KRT80: variants seen among roughly 807,000 people sequenced by gnomAD.
The protein encoded by KRT80 is keratin 80.
A neutral mutation model predicts 51.5 loss-of-function variants in KRT80; 36 were observed. That is an observed-to-expected ratio of 0.70 (90% CI 0.54 to 0.92). KRT80 has a LOEUF of 0.92. KRT80 is among the 40% of genes least tolerant of loss of function. The pLI is 0.00. For missense variants in KRT80, 566 were observed against 591.7 expected, an observed-to-expected ratio of 0.96 and a Z score of 0.45; for synonymous variants, 235 against 248.3, an observed-to-expected ratio of 0.95 and a Z score of 0.50.
At chr12:52,173,008 C>T (rs760236795) in intron 6 of KRT80, 30 bp downstream of exon 6, 50 of 1,591,576 alleles carry the variant, frequency 3.1e-5, no homozygotes, top group Non-Finnish European at 3.9e-5. Context: ...CTCTCCTCCC[C>T]GCCCCCAGGC....
intron 7 of KRT80, 62 bp downstream of exon 7, chr12:52,172,136 G>A: frequency 1.3e-6 from 2 of 1,563,932 alleles, no homozygotes; most frequent in Non-Finnish European, 1.8e-6. Flanking sequence ...CTGACTTTGT[G>A]TAGGCCTGGG....
chr12:52,188,510 C>T (rs147891601), intron 1 of KRT80, among the ~76,000 whole-genome samples: 9 of 152,306 alleles, frequency 5.9e-5, no homozygotes, highest in African/African-American at 2.2e-4. Context: ...TGTTCCTTAG[C>T]GGGGGCTGTT....
intron 4 of KRT80, among the ~76,000 whole-genome samples, chr12:52,176,382 G>A (rs527494992): frequency 1.8e-4 from 27 of 152,326 alleles, no homozygotes; most frequent in East Asian, 3.9e-4. Flanking sequence ...TGTTCCCCAC[G>A]TCAGGGTAGA....
At chr12:52,186,029 A>G (rs1941399366) in intron 1 of KRT80, among the ~76,000 whole-genome samples, 2 of 151,882 alleles carry the variant, frequency 1.3e-5, no homozygotes, top group Admixed American at 1.3e-4. Context: ...CCTGGTTAGT[A>G]CTGTCCTTAA....
chr12:52,191,556 C>T, intron 1 of KRT80, 47 bp downstream of exon 1: 1 of 1,518,442 alleles, frequency 6.6e-7, no homozygotes, highest in Non-Finnish European at 8.9e-7. Flanking sequence ...AGCTACCGGC[C>T]CAGGCCTGGC....
intron 4 of KRT80, among the ~76,000 whole-genome samples, chr12:52,174,579 G>C (rs1217104658): frequency 6.6e-6 from 1 of 152,260 alleles, no homozygotes; most frequent in Non-Finnish European, 1.5e-5. Flanking sequence ...GCTGGACTGT[G>C]CGCTGAGCGT....
Position 52,171,237 on chromosome 12 carries a change from T to C in KRT80, c.*161A>G. 2 of 728,882 alleles carry C rather than the reference T, an allele frequency of 2.7e-6. No individual in the cohort carries two copies. Among genetic ancestry groups the C allele is most frequent in the South Asian group, 3.8e-5 (2 of 53,130 alleles). The allele number at this position is 728,882 out of a possible 1,614,324, so 45.2% of individuals were successfully genotyped here. A position where few individuals can be genotyped will look rare whatever the true frequency, so the allele number is the denominator to read the frequency against. Reference sequence around the variant, plus strand: ...AGCTGGTGATGCTCCTCTCCCACCCTGGCAGCCCACAAAACACAGTCAGTT... The same window carrying C: ...AGCTGGTGATGCTCCTCTCCCACCCCGGCAGCCCACAAAACACAGTCAGTT... On this transcript the variant is annotated 3_prime_UTR_variant, in exon 9 of 9. Coordinates refer to ENST00000394815, the MANE Select transcript of KRT80 (RefSeq NM_182507.3).
At chr12:52,190,144 C>T (rs1226479337) in intron 1 of KRT80, among the ~76,000 whole-genome samples, 2 of 152,162 alleles carry the variant, frequency 1.3e-5, no homozygotes, top group Non-Finnish European at 2.9e-5. Flanking sequence ...GTGGTCCTTC[C>T]CCTCTGGGTA....
At chr12:52,175,993 T>C (rs1199314057) in intron 4 of KRT80, among the ~76,000 whole-genome samples, 1 of 152,084 alleles carries the variant, frequency 6.6e-6, no homozygotes, top group Non-Finnish European at 1.5e-5. Context: ...CCCTCCAGTG[T>C]GCTTCTACAG....
At chr12:52,190,921 G>A (rs767022795) in intron 1 of KRT80, among the ~76,000 whole-genome samples, 1 of 152,124 alleles carries the variant, frequency 6.6e-6, no homozygotes, top group Non-Finnish European at 1.5e-5. Context: ...ATGGGTAGTG[G>A]AGTCTAGGAA....
At chr12:52,181,239 A>C (rs1283799111) in intron 2 of KRT80, among the ~76,000 whole-genome samples, 1 of 147,878 alleles carries the variant, frequency 6.8e-6, no homozygotes, top group South Asian at 2.2e-4. Context: ...CTCCACACCC[A>C]CTCCCCTCCA....
Position 52,171,422 on chromosome 12 carries a change from C to T in KRT80, c.1335G>A (p.Ser445=), listed in dbSNP as rs569276446. 2.6e-5 allele frequency: 42 copies of T among 1,605,718 alleles called. No individual in the cohort carries two copies. The highest frequency in any genetic ancestry group is 1.3e-4 in the South Asian group (12 of 89,536). ...CTTACTCTGAGACCTCCGACTCCTG[C>T]GAGAAGTACTTCTCTGACATTTCGG... is the stretch of plus-strand genomic sequence containing the variant. The part of the protein sequence containing the change: ...KITEMSEKYF[S]QESEVSE Residue 445 remains serine (S), a synonymous_variant, in exon 9 of 9, where the codon TCG becomes TCA. Coordinates refer to ENST00000394815, the MANE Select transcript of KRT80 (RefSeq NM_182507.3).
rs1368394564 is a variant in KRT80, at chr12:52,169,048, T to G, written c.*2350A>C. ...TGGCTCACAATTCTGCAGGCTGTAC[T>G]GGCATGGCACCAACATTTGCTCAGC... is the stretch of plus-strand genomic sequence containing the variant. On this transcript the variant is annotated 3_prime_UTR_variant, in exon 9 of 9. Coordinates refer to ENST00000394815, the MANE Select transcript of KRT80 (RefSeq NM_182507.3). 1 of 152,270 alleles carries G rather than the reference T, an allele frequency of 6.6e-6. No homozygotes were observed. The highest frequency in any genetic ancestry group is 6.5e-5 in the Admixed American group (1 of 15,286). 9.4% of individuals were successfully genotyped at this position (152,270 alleles called of 1,614,324 possible).
intron 1 of KRT80, among the ~76,000 whole-genome samples, chr12:52,191,259 C>T (rs751345735): frequency 6.6e-6 from 1 of 152,170 alleles, no homozygotes. Context: ...GCAGAGCATG[C>T]CTCCATCAGC....
At chr12:52,177,804 C>T (rs1448997162) in intron 4 of KRT80, among the ~76,000 whole-genome samples, 4 of 152,064 alleles carry the variant, frequency 2.6e-5, no homozygotes, top group African/African-American at 9.7e-5. Flanking sequence ...CTGGGCCACT[C>T]GTGTTCTGCC....
At position 52,169,010 on chromosome 12, in the gene KRT80, A is replaced by G. The variant is rs2120849959; in HGVS notation, c.*2388T>C. ...CTGAGACTTGGTAATTTATAAAGAA[A>G]AGACATTTATTTTGGCTCACAATTC... On this transcript the variant is annotated 3_prime_UTR_variant, in exon 9 of 9. Transcript: ENST00000394815. 1 of 152,354 alleles carries G rather than the reference A, an allele frequency of 6.6e-6. No individual in the cohort carries two copies. The highest frequency in any genetic ancestry group is 1.5e-5 in the Non-Finnish European group (1 of 68,102). The allele number at this position is 152,354 out of a possible 1,614,324, so 9.4% of individuals were successfully genotyped here.
Position 52,171,053 on chromosome 12 carries a change from C to T in KRT80, c.*345G>A, listed in dbSNP as rs1353029867. 4.9e-6 allele frequency: 1 copy of T among 204,948 alleles called. No homozygotes were observed. Among genetic ancestry groups the T allele is most frequent in the Non-Finnish European group, 9.9e-6 (1 of 101,152 alleles). 12.7% of individuals were successfully genotyped at this position (204,948 alleles called of 1,614,324 possible). A position where few individuals can be genotyped will look rare whatever the true frequency, so the allele number is the denominator to read the frequency against. On this transcript the variant is annotated 3_prime_UTR_variant, in exon 9 of 9. Coordinates refer to ENST00000394815, the MANE Select transcript of KRT80 (RefSeq NM_182507.3). The stretch of plus-strand genomic sequence containing the variant: ...AGGATTGGGCAAGAGTCAGAGGGGC[C>T]TTGGCAGAGCCTGATGCTGGAGGAG...
intron 1 of KRT80, among the ~76,000 whole-genome samples, chr12:52,188,005 G>C (rs1204740428): frequency 6.6e-6 from 1 of 152,068 alleles, no homozygotes; most frequent in Non-Finnish European, 1.5e-5. Context: ...CAGCTAGAAG[G>C]CATCTGTGGT....
intron 1 of KRT80, among the ~76,000 whole-genome samples, chr12:52,191,256 A>G (rs1469928969): frequency 6.6e-6 from 1 of 152,298 alleles, no homozygotes; most frequent in Middle Eastern, 3.4e-3. Context: ...ACCGCAGAGC[A>G]TGCCTCCATC....
Sources: allele counts gnomAD v4.1 joint callset (sites outside exome capture counted in the v4.1 genomes callset), GRCh38; gene constraint gnomAD v4.1.1; transcripts MANE v1.5; gene names NCBI Gene and HGNC (gene_info 2026-07-23, HGNC 2026-07-21).